PMFBP1: variants seen among roughly 807,000 people sequenced by gnomAD.
PMFBP1 encodes polyamine-modulated factor 1-binding protein 1.
In PMFBP1, 131 loss-of-function variants were observed where a neutral mutation model predicts 137.8. The observed-to-expected ratio is 0.95, with a 90% CI of 0.82 to 1.10. The LOEUF (loss-of-function observed/expected upper bound fraction) is 1.10, where lower values mean the gene tolerates loss of function less well. PMFBP1 is among the 50% of genes least tolerant of loss of function. The pLI, the probability that PMFBP1 is intolerant of heterozygous loss-of-function variation, is 0.00. For missense variants in PMFBP1, 1,199 were observed against 1,175.4 expected, an observed-to-expected ratio of 1.02 and a Z score of -0.29; for synonymous variants, 490 against 450.4, an observed-to-expected ratio of 1.09 and a Z score of -1.11.
the PMFBP1 span, among the ~76,000 whole-genome samples, chr16:72,200,794 T>C: frequency 2.0e-5 from 3 of 152,234 alleles, no homozygotes; most frequent in Non-Finnish European, 2.9e-5. Flanking sequence ...GGGTGCATTT[T>C]AAAGATGAGA....
At chr16:72,162,807 C>A (rs951202177) in intron 3 of PMFBP1, among the ~76,000 whole-genome samples, 3 of 152,218 alleles carry the variant, frequency 2.0e-5, no homozygotes, top group Non-Finnish European at 4.4e-5. Context: ...CTTTCCCTGA[C>A]TGGGGGAATA....
intron 10 of PMFBP1, among the ~76,000 whole-genome samples, chr16:72,131,989 G>A (rs1027752611): frequency 6.6e-6 from 1 of 152,042 alleles, no homozygotes; most frequent in Non-Finnish European, 1.5e-5. Flanking sequence ...GGGACTACAG[G>A]TGCCCACCAC....
chr16:72,185,893 A>C, the PMFBP1 span, among the ~76,000 whole-genome samples: 7 of 152,168 alleles, frequency 4.6e-5, no homozygotes, highest in Admixed American at 1.3e-4. Context: ...AGCCAAAGAG[A>C]GTTTTGGGTG....
the PMFBP1 span, among the ~76,000 whole-genome samples, chr16:72,248,707 A>C: frequency 6.6e-6 from 1 of 152,202 alleles, no homozygotes; most frequent in African/African-American, 2.4e-5. Context: ...TCCATAAATC[A>C]ACTTCTGGTT....
intron 15 of PMFBP1, 119 bp downstream of exon 15, chr16:72,125,849 G>C: frequency 3.9e-6 from 5 of 1,272,942 alleles, no homozygotes; most frequent in Admixed American, 2.3e-5. Flanking sequence ...GCCCACACAA[G>C]GGTTTGAGAT....
rs1005446341 is a variant in PMFBP1, at chr16:72,164,920, G to A, written c.13-4C>T. 5 of 1,576,376 alleles carry A rather than the reference G, an allele frequency of 3.2e-6. No individual in the cohort carries two copies. The highest frequency in any genetic ancestry group is 3.4e-4 in the Middle Eastern group (2 of 5,938). On this transcript the variant is annotated splice_polypyrimidine_tract_variant and splice_region_variant and intron_variant, in intron 2 of 20. Transcript: ENST00000237353. ...CTTCTCTGTCTCTCTCCCCCGCCTA[G>A]GCAGCCAGAAAAACAAAAGCATCAA...
chr16:72,165,887 T>A (rs1567642265), intron 2 of PMFBP1, among the ~76,000 whole-genome samples: 2 of 152,154 alleles, frequency 1.3e-5, no homozygotes, highest in African/African-American at 4.8e-5. Context: ...TGGGGCATAG[T>A]AACTTGGGTG....
downstream of PMFBP1, among the ~76,000 whole-genome samples, chr16:72,117,433 G>C (rs955900797): frequency 2.6e-5 from 4 of 151,920 alleles, no homozygotes; most frequent in African/African-American, 9.7e-5. Flanking sequence ...GAGTCTTTAG[G>C]GTTTTTTACA....
intron 4 of PMFBP1, among the ~76,000 whole-genome samples, chr16:72,151,031 T>TA (rs2042894978): frequency 6.6e-6 from 1 of 152,246 alleles, no homozygotes; most frequent in South Asian, 2.1e-4. Context: ...TGGCCCTAGT[T>TA]AGAGGTAAGC....
At chr16:72,218,458 G>C in the PMFBP1 span, among the ~76,000 whole-genome samples, 2 of 152,062 alleles carry the variant, frequency 1.3e-5, no homozygotes, top group Non-Finnish European at 2.9e-5. Flanking sequence ...CTCCTGAGTA[G>C]CTGGGCTTAC....
the PMFBP1 span, among the ~76,000 whole-genome samples, chr16:72,233,980 G>C: frequency 3.3e-5 from 5 of 152,254 alleles, no homozygotes; most frequent in East Asian, 5.8e-4. Flanking sequence ...CTGTTCATCA[G>C]TTGATTGACA....
At chr16:72,241,258 T>C in the PMFBP1 span, among the ~76,000 whole-genome samples, 3 of 152,128 alleles carry the variant, frequency 2.0e-5, no homozygotes, top group African/African-American at 4.8e-5. Context: ...CTTTGAAGCT[T>C]TGGCTTTAAA....
chr16:72,178,481 G>T (rs992595131), upstream of PMFBP1, among the ~76,000 whole-genome samples: 1 of 152,120 alleles, frequency 6.6e-6, no homozygotes, highest in African/African-American at 2.4e-5. Flanking sequence ...TCTAATGGGG[G>T]TCTTCTTTTT....
rs963359161 is a variant in PMFBP1, at chr16:72,130,832, C to G, written c.1448-110G>C. On this transcript the variant is annotated intron_variant, in intron 10 of 20. Coordinates refer to ENST00000237353, the MANE Select transcript of PMFBP1 (RefSeq NM_031293.3). ...TTCATTTTGTGCCCTACTTCAGTTCCCAGTCTGTCCTCATTTCTCTCCATT... is the reference window on the plus strand; with the variant it reads ...TTCATTTTGTGCCCTACTTCAGTTCGCAGTCTGTCCTCATTTCTCTCCATT... 4 of 939,158 alleles carry G rather than the reference C, an allele frequency of 4.3e-6. No homozygotes were observed. The African/African-American group carries it at 5.0e-5, about 12-fold the overall frequency. 58.2% of individuals were successfully genotyped at this position (939,158 alleles called of 1,614,324 possible).
chr16:72,139,121 T>C (rs2144339105), intron 7 of PMFBP1, among the ~76,000 whole-genome samples, 168 bp downstream of exon 7: 1 of 152,294 alleles, frequency 6.6e-6, no homozygotes, highest in Admixed American at 6.5e-5. Flanking sequence ...GTCTTTTGGG[T>C]TTGGCATACA....
chr16:72,237,560 A>T, the PMFBP1 span, among the ~76,000 whole-genome samples: 1 of 152,136 alleles, frequency 6.6e-6, no homozygotes, highest in East Asian at 1.9e-4. Flanking sequence ...ATTTCTTTTT[A>T]AAAAATTTTT....
At chr16:72,243,672 G>A in the PMFBP1 span, among the ~76,000 whole-genome samples, 1 of 152,150 alleles carries the variant, frequency 6.6e-6, no homozygotes, top group African/African-American at 2.4e-5. Flanking sequence ...AGGACTGCCA[G>A]TCCAAGTGGC....
chr16:72,125,504 G>A (rs1416623957), intron 15 of PMFBP1, 99 bp from the exon 16 acceptor site: 17 of 1,355,176 alleles, frequency 1.3e-5, no homozygotes, highest in East Asian at 7.0e-5. Context: ...CCTGTCCTCT[G>A]CCCAGGGTGA....
chr16:72,156,867 C>T (rs72787093), intron 3 of PMFBP1, among the ~76,000 whole-genome samples: 18,858 of 151,840 alleles, frequency 0.12, 1,626 homozygotes, highest in South Asian at 0.18. Context: ...CACTACACTA[C>T]GTAATGGGGA....
Sources: gnomAD v4.1 joint callset for allele counts (sites outside exome capture counted in the v4.1 genomes callset) on GRCh38, gnomAD v4.1.1 for gene constraint, MANE v1.5 for transcripts, NCBI Gene and HGNC (gene_info 2026-07-23, HGNC 2026-07-21) for gene names.